Variants in RBFOX1 observed in about 807,000 individuals in gnomAD.
RBFOX1 encodes the protein RNA binding protein fox-1 homolog 1.
A neutral mutation model predicts 57.7 loss-of-function variants in RBFOX1; 8 were observed. The observed-to-expected ratio is 0.14, with a 90% CI of 0.08 to 0.25. The LOEUF (loss-of-function observed/expected upper bound fraction) is 0.25, where lower values mean the gene tolerates loss of function less well. Ranked by LOEUF, RBFOX1 falls within the 10% of genes least tolerant of loss-of-function variation. The pLI, the probability that RBFOX1 is intolerant of heterozygous loss-of-function variation, is 1.00. For synonymous variants in RBFOX1, 326 were observed against 222.4 expected (o/e 1.47, Z -4.15); for missense variants, 611 against 548.5 (o/e 1.11, Z -1.14).
intron 3 of RBFOX1, among the ~76,000 whole-genome samples, chr16:5,646,532 G>A (rs191067524): frequency 6.6e-6 from 1 of 152,332 alleles, no homozygotes; most frequent in East Asian, 1.9e-4. Context: ...AGGATGTGCA[G>A]GAGGAGAATG....
At chr16:7,039,243 A>C (rs2045433976) in intron 3 of RBFOX1, among the ~76,000 whole-genome samples, 1 of 152,214 alleles carries the variant, frequency 6.6e-6, no homozygotes, top group East Asian at 1.9e-4. Context: ...GTATAACAAC[A>C]AATCCATTAT....
intron 4 of RBFOX1, among the ~76,000 whole-genome samples, chr16:7,342,319 C>T (rs1031588940): frequency 6.6e-6 from 1 of 152,160 alleles, no homozygotes; most frequent in Non-Finnish European, 1.5e-5. Flanking sequence ...GGGCTTCCAA[C>T]TCAGATCTTC....
intron 1 of RBFOX1, among the ~76,000 whole-genome samples, chr16:6,244,886 C>A (rs2097560678): frequency 6.6e-6 from 1 of 152,086 alleles, no homozygotes; most frequent in African/African-American, 2.4e-5. Context: ...TCTGTTTTGC[C>A]ACATTCTGGT....
chr16:6,615,441 G>A (rs867572484), intron 2 of RBFOX1, among the ~76,000 whole-genome samples: 4 of 152,024 alleles, frequency 2.6e-5, no homozygotes, highest in Non-Finnish European at 5.9e-5. Flanking sequence ...GTGCTGGTGG[G>A]TGCCTGTAAT....
chr16:7,091,647 C>A (rs2060876485), intron 4 of RBFOX1, among the ~76,000 whole-genome samples: 1 of 152,210 alleles, frequency 6.6e-6, no homozygotes, highest in Non-Finnish European at 1.5e-5. Context: ...CTCCAGTTCT[C>A]AGCCTGCTGT....
At chr16:5,970,286 T>A (rs1386506679) in intron 4 of RBFOX1, among the ~76,000 whole-genome samples, 1 of 152,158 alleles carries the variant, frequency 6.6e-6, no homozygotes, top group Non-Finnish European at 1.5e-5. Context: ...TCTTTTTTTT[T>A]ATGTAGGGAT....
intron 2 of RBFOX1, among the ~76,000 whole-genome samples, chr16:6,613,044 AGTGTGTGT>A (rs1567883718): frequency 6.2e-5 from 5 of 80,920 alleles, no homozygotes; most frequent in Non-Finnish European, 1.3e-4. Context: ...TGTGTGTGTG[AGTGTGTGT>A]GTGTGTTTTG....
chr16:7,592,846 G>A (rs1391970232), intron 7 of RBFOX1, among the ~76,000 whole-genome samples: 1 of 152,022 alleles, frequency 6.6e-6, no homozygotes, highest in Non-Finnish European at 1.5e-5. Context: ...TTCAGATAGG[G>A]TGTCACCCAG....
chr16:5,897,128 C>T (rs1224345078), intron 4 of RBFOX1, among the ~76,000 whole-genome samples: 3 of 147,280 alleles, frequency 2.0e-5, no homozygotes, highest in Non-Finnish European at 3.0e-5. Context: ...CTCCGCTTCC[C>T]GGGTTCAAGC....
At chr16:7,622,122 T>C (rs1596665937) in intron 10 of RBFOX1, among the ~76,000 whole-genome samples, 1 of 152,198 alleles carries the variant, frequency 6.6e-6, no homozygotes, top group Non-Finnish European at 1.5e-5. Flanking sequence ...GCCAAAAGTC[T>C]GTAGTTGGTC....
At position 6,865,657 on chromosome 16, in the gene RBFOX1, C is replaced by G. The variant is rs774695830; in HGVS notation, c.-15-186400C>G. On this transcript the variant is annotated intron_variant, in intron 3 of 15. Transcript: ENST00000550418. Reference sequence around the variant, plus strand: ...ATGTATTCTTCATGACGTGTGATGACAACGTAGTAATCCCTAATTCCTTTA... The same window carrying G: ...ATGTATTCTTCATGACGTGTGATGAGAACGTAGTAATCCCTAATTCCTTTA... 2.0e-5 allele frequency among the ~76,000 whole-genome samples: 3 copies of G among 152,170 alleles called. No individual in the cohort carries two copies. In the East Asian group the frequency reaches 5.8e-4, roughly 29 times the overall value.
intron 3 of RBFOX1, among the ~76,000 whole-genome samples, chr16:6,963,189 G>C (rs528473669): frequency 6.6e-6 from 1 of 151,896 alleles, no homozygotes; most frequent in Admixed American, 6.6e-5. Context: ...ATTTTTTTTC[G>C]GAGTCCGTCA....
At chr16:5,491,785 A>T (rs568411041) in intron 2 of RBFOX1, among the ~76,000 whole-genome samples, 62 of 152,324 alleles carry the variant, frequency 4.1e-4, no homozygotes, top group African/African-American at 1.4e-3. Context: ...AGCTAGAAAC[A>T]TCTTTTAATT....
rs78321846 is a variant in RBFOX1, at chr16:7,666,941, G to T, written c.930+1973G>T. On this transcript the variant is annotated intron_variant, in intron 13 of 15. Transcript: ENST00000550418. The stretch of plus-strand genomic sequence containing the variant: ...AGCTTCAAGGACAGAGTTTCTTCCA[G>T]TCCTAAGTTGTCTGATATGTTTGTT... Among the ~76,000 whole-genome samples the T allele has an allele frequency of 2.4e-3, 369 of 152,224 alleles. 4 individuals are homozygous for T. In the East Asian group the frequency reaches 0.026, roughly 11 times the overall value.
chr16:6,093,128 C>G (rs1175702047), intron 1 of RBFOX1, among the ~76,000 whole-genome samples: 1 of 152,006 alleles, frequency 6.6e-6, no homozygotes, highest in Non-Finnish European at 1.5e-5. Context: ...TTGGCTATCC[C>G]CAAAAAGATG....
At chr16:6,692,098 G>A (rs1435302473) in intron 3 of RBFOX1, among the ~76,000 whole-genome samples, 2 of 152,130 alleles carry the variant, frequency 1.3e-5, no homozygotes, top group Non-Finnish European at 2.9e-5. Flanking sequence ...GATAATAAAC[G>A]AGTAGTTATT....
At chr16:6,714,542 C>G (rs1416077053) in intron 3 of RBFOX1, among the ~76,000 whole-genome samples, 2 of 152,084 alleles carry the variant, frequency 1.3e-5, no homozygotes, top group Non-Finnish European at 2.9e-5. Flanking sequence ...TACTGCAAGT[C>G]TCATTAGTCA....
At position 6,224,640 on chromosome 16, in the gene RBFOX1, A is replaced by G. The variant is rs187097328; in HGVS notation, c.-126-92355A>G. ...TATTTCTGCTTCATATGTACCACCT[A>G]CTCTAGAAAGAGATGAGATTATCAA... is the stretch of plus-strand genomic sequence containing the variant. On this transcript the variant is annotated intron_variant, in intron 1 of 15. Transcript: ENST00000550418. 1.8e-4 allele frequency among the ~76,000 whole-genome samples: 27 copies of G among 152,204 alleles called. No homozygotes were observed. The East Asian group carries it at 3.3e-3, about 19-fold the overall frequency.
intron 3 of RBFOX1, among the ~76,000 whole-genome samples, chr16:6,835,120 C>G (rs949735739): frequency 1.3e-5 from 2 of 152,028 alleles, no homozygotes; most frequent in African/African-American, 2.4e-5. Flanking sequence ...CCAGGATGGT[C>G]TCAATCTCCT....
Sources: allele counts gnomAD v4.1 joint callset (sites outside exome capture counted in the v4.1 genomes callset), GRCh38; gene constraint gnomAD v4.1.1; transcripts MANE v1.5; gene names NCBI Gene and HGNC (gene_info 2026-07-23, HGNC 2026-07-21).